SCUBE1: variants seen among roughly 807,000 people sequenced by gnomAD.
The protein encoded by SCUBE1 is signal peptide, CUB domain and EGF like domain containing 1.
Under a neutral mutation model 124.4 loss-of-function variants are expected in SCUBE1, and 59 were observed. The ratio of observed to expected loss-of-function variants is 0.47; its 90% CI spans 0.38 to 0.59. The LOEUF (loss-of-function observed/expected upper bound fraction) is 0.59, where lower values mean the gene tolerates loss of function less well. Among genes scored for constraint, SCUBE1 ranks in the 20% least tolerant of loss-of-function variants. The probability of loss-of-function intolerance (pLI) is 0.00; values close to 1 mark genes in which losing one functional copy is unlikely to be tolerated. For synonymous variants in SCUBE1, 545 were observed against 550.9 expected (o/e 0.99, Z 0.15); for missense variants, 1,150 against 1,371.2 (o/e 0.84, Z 2.55).
intron 4 of SCUBE1, among the ~76,000 whole-genome samples, chr22:43,270,968 C>T (rs535168431): frequency 1.3e-5 from 2 of 152,330 alleles, no homozygotes; most frequent in East Asian, 1.9e-4. Flanking sequence ...TGTCCTTCTT[C>T]GAGCCCTGGG....
intron 3 of SCUBE1, among the ~76,000 whole-genome samples, chr22:43,291,984 C>T (rs1481597888): frequency 1.3e-5 from 2 of 152,058 alleles, no homozygotes; most frequent in Non-Finnish European, 2.9e-5. Flanking sequence ...TCAGTGACGT[C>T]GCCAGACCCC....
chr22:43,281,516 C>CAACCCTGT, intron 4 of SCUBE1, among the ~76,000 whole-genome samples: 1 of 83,972 alleles, frequency 1.2e-5, no homozygotes, highest in South Asian at 4.7e-4. Flanking sequence ...TCCTCCTCAG[C>CAACCCTGT]CACCCTCCTG....
chr22:43,270,406 T>C (rs376272595), intron 4 of SCUBE1: 1 of 152,370 alleles, frequency 6.6e-6, no homozygotes, highest in South Asian at 2.1e-4. Context: ...CAGAGGTTAG[T>C]GACTGAGGTA....
chr22:43,275,733 G>C (rs984969517), intron 4 of SCUBE1, among the ~76,000 whole-genome samples: 2 of 152,232 alleles, frequency 1.3e-5, no homozygotes. Context: ...GACACATACC[G>C]AGGTTGTAAT....
chr22:43,245,569 A>G (rs1923177094), intron 6 of SCUBE1, among the ~76,000 whole-genome samples: 1 of 151,994 alleles, frequency 6.6e-6, no homozygotes, highest in Non-Finnish European at 1.5e-5. Context: ...GCTCCTCCAG[A>G]GCCAGCGCTG....
intron 6 of SCUBE1, among the ~76,000 whole-genome samples, chr22:43,239,608 C>T (rs924956060): frequency 1.3e-5 from 2 of 152,244 alleles, no homozygotes; most frequent in African/African-American, 2.4e-5. Flanking sequence ...AGGGCATAAC[C>T]GAGGTCATTG....
At chr22:43,236,857 C>T (rs1922784448) in intron 7 of SCUBE1, among the ~76,000 whole-genome samples, 1 of 152,188 alleles carries the variant, frequency 6.6e-6, no homozygotes, top group Admixed American at 6.5e-5. Flanking sequence ...AGGCAGGAAC[C>T]GTCTCTTTTA....
chr22:43,268,701 T>C (rs892816889), intron 4 of SCUBE1, among the ~76,000 whole-genome samples: 3 of 152,220 alleles, frequency 2.0e-5, no homozygotes, highest in Admixed American at 6.5e-5. Context: ...CAGAGTGTGC[T>C]AAATGTGCAG....
chr22:43,250,884 C>A (rs1196809317), intron 6 of SCUBE1, among the ~76,000 whole-genome samples: 1 of 152,230 alleles, frequency 6.6e-6, no homozygotes, highest in Non-Finnish European at 1.5e-5. Context: ...ACTGGGCCTG[C>A]AGAACCGCGT....
chr22:43,273,920 G>A (rs1044262400), intron 4 of SCUBE1, among the ~76,000 whole-genome samples: 5 of 152,078 alleles, frequency 3.3e-5, no homozygotes, highest in African/African-American at 4.8e-5. Context: ...CAGAGGTGAT[G>A]GGCTCCAGCT....
intron 4 of SCUBE1, among the ~76,000 whole-genome samples, chr22:43,279,864 TG>T (rs1178327183): frequency 2.0e-5 from 3 of 152,194 alleles, no homozygotes; most frequent in African/African-American, 7.2e-5. Context: ...CTTGGACATG[TG>T]GTCACTAAAG....
chr22:43,207,653 C>T, intron 20 of SCUBE1, 40 bp from the exon 21 acceptor site: 1 of 1,508,424 alleles, frequency 6.6e-7, no homozygotes, highest in Admixed American at 1.7e-5. Context: ...AGGCGAGGGG[C>T]TTGAGGCCCA....
chr22:43,228,090 A>G (rs891928998), intron 9 of SCUBE1, among the ~76,000 whole-genome samples: 14 of 152,216 alleles, frequency 9.2e-5, no homozygotes. Flanking sequence ...GCCCGCCTCC[A>G]GAAGCCCAAG....
chr22:43,267,324 G>C (rs958901780), intron 4 of SCUBE1, among the ~76,000 whole-genome samples: 7 of 152,154 alleles, frequency 4.6e-5, no homozygotes, highest in African/African-American at 1.7e-4. Context: ...GAATGGAAAG[G>C]GAGAGAGGAG....
chr22:43,311,274 AG>A (rs1382491872), intron 3 of SCUBE1, among the ~76,000 whole-genome samples: 2 of 152,294 alleles, frequency 1.3e-5, no homozygotes, highest in Admixed American at 6.5e-5. Context: ...TAAGTTCATA[AG>A]CAGGGAGATG....
chr22:43,248,974 G>T (rs986866457), intron 6 of SCUBE1, among the ~76,000 whole-genome samples: 1 of 152,192 alleles, frequency 6.6e-6, no homozygotes, highest in Admixed American at 6.5e-5. Context: ...CCCTGAGGGG[G>T]GGCACCAAGC....
chr22:43,340,045 T>C (rs1927258617), intron 1 of SCUBE1, among the ~76,000 whole-genome samples: 1 of 146,322 alleles, frequency 6.8e-6, no homozygotes, highest in Admixed American at 7.0e-5. Context: ...TGGAGGAGTT[T>C]AAATCTAGTC....
In SCUBE1 at chr22:43,239,511, T is replaced by C. The variant is rs556162504; in HGVS notation, c.728-557A>G. ...CAACATCTGTTCTCACTGAGTGATATGCCAAAGGCATCTGGTTTTTGTCCA... is the reference window on the plus strand; with the variant it reads ...CAACATCTGTTCTCACTGAGTGATACGCCAAAGGCATCTGGTTTTTGTCCA... On this transcript the variant is annotated intron_variant, in intron 6 of 21. Transcript: ENST00000360835. 4.6e-5 allele frequency among the ~76,000 whole-genome samples: 7 copies of C among 152,400 alleles called. No homozygotes were observed. The South Asian group carries it at 8.3e-4, about 18-fold the overall frequency.
intron 4 of SCUBE1, among the ~76,000 whole-genome samples, chr22:43,273,443 G>A (rs985710562): frequency 3.9e-5 from 6 of 152,126 alleles, no homozygotes; most frequent in Non-Finnish European, 8.8e-5. Flanking sequence ...GGGCAACACC[G>A]AGGTGGGGCA....
Sources: gnomAD v4.1 joint callset for allele counts (sites outside exome capture counted in the v4.1 genomes callset) on GRCh38, gnomAD v4.1.1 for gene constraint, MANE v1.5 for transcripts, NCBI Gene and HGNC (gene_info 2026-07-23, HGNC 2026-07-21) for gene names.